The following NSUN6 variants were observed in gnomAD, a reference collection of about 807,000 sequenced individuals.
NSUN6 encodes tRNA (cytosine(72)-C(5))-methyltransferase NSUN6.
A neutral mutation model predicts 58.0 loss-of-function variants in NSUN6; 64 were observed. That is an observed-to-expected ratio of 1.10 (90% CI 0.90 to 1.36). The LOEUF (loss-of-function observed/expected upper bound fraction) is 1.36, where lower values mean the gene tolerates loss of function less well. Ranked by LOEUF, NSUN6 falls within the 40% of genes most tolerant of loss-of-function variation. The probability of loss-of-function intolerance (pLI) is 0.00; values close to 1 mark genes in which losing one functional copy is unlikely to be tolerated. For synonymous variants in NSUN6, 231 were observed against 193.9 expected (o/e 1.19, Z -1.59); for missense variants, 701 against 550.1 (o/e 1.27, Z -2.74).
chr10:18,600,048 T>G (rs1590017011), intron 6 of NSUN6, among the ~76,000 whole-genome samples: 1 of 152,178 alleles, frequency 6.6e-6, no homozygotes, highest in Non-Finnish European at 1.5e-5. Context: ...TTGGGTAATG[T>G]AAGATGCTAA....
In NSUN6 at chr10:18,646,052, G is replaced by A. The variant is rs968566557; in HGVS notation, c.231+2438C>T. Among the ~76,000 whole-genome samples, 8 of 151,952 alleles carry A rather than the reference G, an allele frequency of 5.3e-5. 1 individual carries two copies. In the South Asian group the frequency reaches 1.0e-3, roughly 20 times the overall value. Reference sequence around the variant, plus strand: ...TGTGCTAAGAATATCAAAATTAGCCGAGCATTGTGGCGAGTGCATATAATC... The same window carrying A: ...TGTGCTAAGAATATCAAAATTAGCCAAGCATTGTGGCGAGTGCATATAATC... On this transcript the variant is annotated intron_variant, in intron 2 of 10. Transcript: ENST00000377304.
rs370291750 is a variant in NSUN6 at position 18,637,796 on chromosome 10, G to A, written c.311+4680C>T. The stretch of plus-strand genomic sequence containing the variant: ...TGTTAATGTAGCCATTAGAAAGAAT[G>A]AAATAGTGTTATATAATTGTGAGAC... On this transcript the variant is annotated intron_variant, in intron 3 of 10. Transcript: ENST00000377304. Among the ~76,000 whole-genome samples, 15 of 152,326 alleles carry A rather than the reference G, an allele frequency of 9.8e-5. No individual in the cohort carries two copies. The East Asian group carries it at 1.3e-3, about 14-fold the overall frequency.
At chr10:18,622,663 C>T (rs1337842720) in intron 3 of NSUN6, among the ~76,000 whole-genome samples, 2 of 152,124 alleles carry the variant, frequency 1.3e-5, no homozygotes, top group African/African-American at 4.8e-5. Flanking sequence ...GAGCAGAGAT[C>T]GTGCCATTGC....
upstream of NSUN6, chr10:18,652,863 TTC>T (rs548083752): frequency 2.8e-4 from 270 of 980,402 alleles, 2 homozygotes; most frequent in South Asian, 9.8e-3. Flanking sequence ...CCAGCCCATT[TTC>T]TCTGTTTTAA....
chr10:18,564,401 CTCCAT>C (rs1564726432), intron 8 of NSUN6, among the ~76,000 whole-genome samples: 2 of 150,676 alleles, frequency 1.3e-5, no homozygotes, highest in South Asian at 2.1e-4. Context: ...CCATTTTTCA[CTCCAT>C]TCCATTCCAT....
At chr10:18,555,225 A>G (rs201267513) in intron 8 of NSUN6, among the ~76,000 whole-genome samples, 1 of 149,850 alleles carries the variant, frequency 6.7e-6, no homozygotes, top group African/African-American at 2.5e-5. Flanking sequence ...ATGGAGGATG[A>G]AATGGAATAG....
intron 10 of NSUN6, 104 bp from the exon 11 acceptor site, chr10:18,546,249 T>A: frequency 1.2e-6 from 1 of 821,334 alleles, no homozygotes; most frequent in Non-Finnish European, 2.1e-6. Context: ...CGACTACATC[T>A]TCCAAAAATA....
chr10:18,633,215 A>G (rs1028510125), intron 3 of NSUN6, among the ~76,000 whole-genome samples: 10 of 146,320 alleles, frequency 6.8e-5, no homozygotes, highest in African/African-American at 2.3e-4. Context: ...ATGGGAACAC[A>G]TGGACACAGG....
chr10:18,552,441 G>A (rs1177923276), intron 8 of NSUN6, among the ~76,000 whole-genome samples: 1 of 152,110 alleles, frequency 6.6e-6, no homozygotes, highest in East Asian at 1.9e-4. Flanking sequence ...CTAGAATAGG[G>A]AGAATGAGCC....
chr10:18,552,963 C>A (rs185392102), intron 8 of NSUN6, among the ~76,000 whole-genome samples: 25 of 151,760 alleles, frequency 1.6e-4, no homozygotes, highest in Admixed American at 7.9e-4. Context: ...CCATTACATT[C>A]CATTCTCCAT....
intron 2 of NSUN6, among the ~76,000 whole-genome samples, chr10:18,645,063 C>G (rs1481269093): frequency 6.8e-6 from 1 of 147,210 alleles, no homozygotes; most frequent in Non-Finnish European, 1.5e-5. Context: ...GTGGCTGAGG[C>G]AGGAGAATTG....
At chr10:18,621,886 T>A in intron 3 of NSUN6, among the ~76,000 whole-genome samples, 1 of 152,210 alleles carries the variant, frequency 6.6e-6, no homozygotes, top group Non-Finnish European at 1.5e-5. Flanking sequence ...TGGATGAAAC[T>A]GTGAAACAGC....
Position 18,596,369 on chromosome 10 carries a change from G to A in NSUN6, c.658-42C>T, listed in dbSNP as rs528756538. The A allele has an allele frequency of 4.2e-5, 59 of 1,403,280 alleles. 1 individual carries two copies. The highest frequency in any genetic ancestry group is 1.8e-4 in the Middle Eastern group (1 of 5,678). The allele number at this position is 1,403,280 out of a possible 1,614,324, so 86.9% of individuals were successfully genotyped here. A position where few individuals can be genotyped will look rare whatever the true frequency, so the allele number is the denominator to read the frequency against. On this transcript the variant is annotated intron_variant, in intron 6 of 10. Coordinates refer to ENST00000377304, the MANE Select transcript of NSUN6 (RefSeq NM_182543.5). The stretch of plus-strand genomic sequence containing the variant: ...GTAATCGATTATCAATAATCCTAAA[G>A]CATTTTTAATTTGAGAACCAGAGAA...
At chr10:18,554,897 G>A (rs904703835) in intron 8 of NSUN6, among the ~76,000 whole-genome samples, 23 of 150,418 alleles carry the variant, frequency 1.5e-4, no homozygotes, top group Non-Finnish European at 2.4e-4. Flanking sequence ...AGAATGGAAT[G>A]GAATAGAGAA....
chr10:18,587,733 CTG>C (rs2057219285), intron 7 of NSUN6, among the ~76,000 whole-genome samples: 1 of 152,176 alleles, frequency 6.6e-6, no homozygotes, highest in East Asian at 1.9e-4. Flanking sequence ...GAGGAACAAA[CTG>C]TGCTACCCAG....
chr10:18,590,709 G>A (rs746244783), intron 7 of NSUN6, among the ~76,000 whole-genome samples: 7 of 152,170 alleles, frequency 4.6e-5, no homozygotes, highest in Non-Finnish European at 5.9e-5. Context: ...TGAAACCAAT[G>A]AGAACAAAGA....
chr10:18,550,061 G>A (rs2054508041), intron 9 of NSUN6, among the ~76,000 whole-genome samples: 1 of 152,198 alleles, frequency 6.6e-6, no homozygotes, highest in Non-Finnish European at 1.5e-5. Flanking sequence ...TTCTCTCCAT[G>A]CCAAATGGCA....
At chr10:18,617,119 G>A (rs2131364106) in intron 3 of NSUN6, among the ~76,000 whole-genome samples, 1 of 151,154 alleles carries the variant, frequency 6.6e-6, no homozygotes, top group South Asian at 2.1e-4. Context: ...CTATCCCTTG[G>A]CAATCTCATG....
At chr10:18,585,906 A>G in intron 8 of NSUN6, 43 bp downstream of exon 8, 2 of 1,456,968 alleles carry the variant, frequency 1.4e-6, no homozygotes, top group Non-Finnish European at 1.9e-6. Context: ...TGCCACAAAT[A>G]TATGATCTGT....
Sources: gnomAD v4.1 joint callset for allele counts (sites outside exome capture counted in the v4.1 genomes callset) on GRCh38, gnomAD v4.1.1 for gene constraint, MANE v1.5 for transcripts, NCBI Gene and HGNC (gene_info 2026-07-23, HGNC 2026-07-21) for gene names.